The following SHROOM2 variants were observed in gnomAD, a reference collection of about 807,000 sequenced individuals.
SHROOM2 encodes the protein protein Shroom2.
A neutral mutation model predicts 75.9 loss-of-function variants in SHROOM2; 33 were observed. That is an observed-to-expected ratio of 0.43 (90% CI 0.33 to 0.58). The LOEUF (loss-of-function observed/expected upper bound fraction) is 0.58, where lower values mean the gene tolerates loss of function less well. Among genes scored for constraint, SHROOM2 ranks in the 20% least tolerant of loss-of-function variants. The pLI is 0.04. For synonymous variants in SHROOM2, 655 were observed against 663.6 expected, an observed-to-expected ratio of 0.99 and a Z score of 0.20; for missense variants, 1,434 against 1,461.2, an observed-to-expected ratio of 0.98 and a Z score of 0.30.
chrX:9,924,013 C>G (rs766951554), intron 5 of SHROOM2, among the ~76,000 whole-genome samples: 1 of 112,529 alleles, frequency 8.9e-6, no homozygotes, highest in African/African-American at 3.2e-5. Flanking sequence ...TGAAGACACT[C>G]AAGAAACACT....
intron 8 of SHROOM2, among the ~76,000 whole-genome samples, chrX:9,943,852 ATTTT>A (rs1275232673): frequency 9.0e-6 from 1 of 111,398 alleles, no homozygotes; most frequent in East Asian, 2.8e-4. Context: ...AGCAATTAAA[ATTTT>A]TTTTCTTTTT....
chrX:9,864,629 T>TAA lies in SHROOM2; in HGVS notation c.166-9013_166-9012dup, dbSNP rs201106048. Among the ~76,000 whole-genome samples, 520 of 99,337 alleles carry TAA rather than the reference T, an allele frequency of 5.2e-3. 6 individuals are homozygous for TAA. Among genetic ancestry groups the TAA allele is most frequent in the African/African-American group, 0.018 (498 of 27,425 alleles). The allele number at this position is 99,337 out of a possible 115,157, so 86.3% of individuals were successfully genotyped here. ...GTCAGGAGATCGAGACCATCCCGGCTAAAAAAAAAAACGGTGAAACCCCGT... is the reference window on the plus strand; with the variant it reads ...GTCAGGAGATCGAGACCATCCCGGCTAAAAAAAAAAAAACGGTGAAACCCCGT... On this transcript the variant is annotated intron_variant, in intron 1 of 9. Coordinates refer to ENST00000380913, the MANE Select transcript of SHROOM2 (RefSeq NM_001649.4).
chrX:9,852,759 G>A (rs1721365197), intron 1 of SHROOM2, among the ~76,000 whole-genome samples: 1 of 112,643 alleles, frequency 8.9e-6, no homozygotes, highest in South Asian at 3.6e-4. Context: ...GAATTGTAAA[G>A]CTAGAAAAGA....
In SHROOM2 at chrX:9,894,439, C is replaced by A. The variant is rs746317135; in HGVS notation, c.531C>A (p.Ser177Arg). The change falls in exon 4 of 10, where the codon AGC becomes AGA. Residue 177 changes from serine to arginine, a missense_variant. Physicochemically the swap from Ser to Arg is moderately radical, Grantham distance 110 (BLOSUM62 -1). Coordinates refer to ENST00000380913, the MANE Select transcript of SHROOM2 (RefSeq NM_001649.4). ...TAGATCACTTCAGCTCCTTGGGGAG[C>A]GTTGACAGCCTGGACCACCCCTCCA... ...RTLDHFSSLGSVDSLDHPSSR... is the reference protein window; with the variant it reads ...RTLDHFSSLGRVDSLDHPSSR... 8.3e-7 allele frequency: 1 copy of A among 1,210,656 alleles called. No individual in the cohort carries two copies. The highest frequency in any genetic ancestry group is 1.1e-6 in the Non-Finnish European group (1 of 895,137).
chrX:9,940,256 C>T (rs112742948), intron 8 of SHROOM2, among the ~76,000 whole-genome samples: 244 of 112,390 alleles, frequency 2.2e-3, no homozygotes, highest in Middle Eastern at 9.2e-3. Flanking sequence ...GGTTTTTCCA[C>T]ACAGAACCAG....
intron 1 of SHROOM2, among the ~76,000 whole-genome samples, chrX:9,809,129 G>C (rs181911258): frequency 9.8e-6 from 1 of 102,106 alleles, no homozygotes; most frequent in African/African-American, 3.5e-5. Flanking sequence ...AGAACTAATA[G>C]GAAATATATA....
Position 9,819,988 on chromosome X carries a change from A to G in SHROOM2, c.165+33278A>G, listed in dbSNP as rs763011594. Among the ~76,000 whole-genome samples, 33 of 107,800 alleles carry G rather than the reference A, an allele frequency of 3.1e-4. No homozygotes were observed. The South Asian group carries it at 5.5e-3, about 18-fold the overall frequency. 93.6% of individuals were successfully genotyped at this position (107,800 alleles called of 115,157 possible). On this transcript the variant is annotated intron_variant, in intron 1 of 9. Coordinates refer to ENST00000380913, the MANE Select transcript of SHROOM2 (RefSeq NM_001649.4). ...TTTTTAATTTTTATTTTTAGTAGAG[A>G]TGGGGTTTCACTATGTTGTCCAGGC...
Position 9,895,384 on chromosome X carries a change from G to T in SHROOM2, c.1476G>T (p.Ala492=), listed in dbSNP as rs374614082. Residue 492 remains alanine (A), a synonymous_variant, in exon 4 of 10, where the codon GCG becomes GCT. Coordinates refer to ENST00000380913, the MANE Select transcript of SHROOM2 (RefSeq NM_001649.4). Reference sequence around the variant, plus strand: ...ACCTGCAAGCAGCACAGCTCTGGGCGGGATGCTGGCCTTCTGACACAGCCC... The same window carrying T: ...ACCTGCAAGCAGCACAGCTCTGGGCTGGATGCTGGCCTTCTGACACAGCCC... ...QGDLQAAQLW[A]GCWPSDTALG... is the part of the protein sequence containing the mutation. 8 of 1,199,744 alleles carry T rather than the reference G, an allele frequency of 6.7e-6. No individual in the cohort carries two copies. In the African/African-American group the frequency reaches 1.2e-4, roughly 18 times the overall value.
intron 1 of SHROOM2, among the ~76,000 whole-genome samples, chrX:9,806,472 ATATG>A (rs1369507392): frequency 1.9e-5 from 2 of 107,596 alleles, no homozygotes; most frequent in Non-Finnish European, 3.8e-5. Context: ...GTGTATATAT[ATATG>A]TATGTATATA....
intron 1 of SHROOM2, among the ~76,000 whole-genome samples, chrX:9,802,626 G>A (rs367867588): frequency 2.7e-5 from 3 of 111,848 alleles, no homozygotes; most frequent in African/African-American, 9.8e-5. Flanking sequence ...AGGTCCCTGA[G>A]AGTGGGGACT....
intron 1 of SHROOM2, among the ~76,000 whole-genome samples, chrX:9,859,905 C>T (rs763762607): frequency 5.4e-5 from 6 of 111,685 alleles, no homozygotes; most frequent in Non-Finnish European, 9.4e-5. Context: ...AAGACGGCTG[C>T]CTGTTTCCTG....
intron 5 of SHROOM2, among the ~76,000 whole-genome samples, chrX:9,927,281 T>G (rs1483932959): frequency 1.1e-5 from 1 of 94,366 alleles, no homozygotes; most frequent in African/African-American, 4.0e-5. Flanking sequence ...GCCTGGGAGG[T>G]CGAGACTACA....
intron 2 of SHROOM2, 115 bp downstream of exon 2, chrX:9,873,918 C>T: frequency 2.5e-6 from 2 of 785,902 alleles, no homozygotes; most frequent in Non-Finnish European, 1.8e-6. Flanking sequence ...TTGGGACATG[C>T]ACTTAGAGTT....
At chrX:9,933,169 G>A (rs921270011) in intron 6 of SHROOM2, among the ~76,000 whole-genome samples, 1 of 111,051 alleles carries the variant, frequency 9.0e-6, no homozygotes, top group African/African-American at 3.3e-5. Flanking sequence ...ACAGGCATCT[G>A]CAGGGTAGAG....
intron 1 of SHROOM2, among the ~76,000 whole-genome samples, chrX:9,857,140 A>G (rs2084075574): frequency 8.9e-6 from 1 of 112,674 alleles, no homozygotes; most frequent in Admixed American, 9.4e-5. Context: ...GTGACATGCT[A>G]ATGAAGTCTA....
At chrX:9,845,731 A>G (rs2084002821) in intron 1 of SHROOM2, among the ~76,000 whole-genome samples, 1 of 109,231 alleles carries the variant, frequency 9.2e-6, no homozygotes. Flanking sequence ...TCTGCTGCAG[A>G]CAGTCCCTCT....
At chrX:9,805,593 G>A (rs946489147) in intron 1 of SHROOM2, among the ~76,000 whole-genome samples, 1 of 107,866 alleles carries the variant, frequency 9.3e-6, no homozygotes, top group Non-Finnish European at 1.9e-5. Context: ...AAAATTAGCC[G>A]GGCATGGTTG....
chrX:9,846,353 G>A (rs1438536294), intron 1 of SHROOM2, among the ~76,000 whole-genome samples: 6 of 111,808 alleles, frequency 5.4e-5, no homozygotes, highest in South Asian at 3.7e-4. Flanking sequence ...GGAGTGCAGT[G>A]GTGCAATCTC....
chrX:9,938,284 G>T (rs1421467739), intron 7 of SHROOM2, among the ~76,000 whole-genome samples: 2 of 112,254 alleles, frequency 1.8e-5, no homozygotes, highest in African/African-American at 6.5e-5. Context: ...AGGCACAGTG[G>T]TGCACACCTG....
Sources: allele counts gnomAD v4.1 joint callset (sites outside exome capture counted in the v4.1 genomes callset), GRCh38; gene constraint gnomAD v4.1.1; transcripts MANE v1.5; gene names NCBI Gene and HGNC (gene_info 2026-07-23, HGNC 2026-07-21).